The following WIZ variants were observed in gnomAD, a reference collection of about 807,000 sequenced individuals.
WIZ encodes the protein protein Wiz.
Under a neutral mutation model 140.2 loss-of-function variants are expected in WIZ, and 25 were observed. The observed-to-expected ratio is 0.18, with a 90% CI of 0.13 to 0.25. The LOEUF (loss-of-function observed/expected upper bound fraction) is 0.25, where lower values mean the gene tolerates loss of function less well. WIZ is among the 10% of genes least tolerant of loss of function. The pLI is 1.00. For missense variants in WIZ, 2,231 were observed against 2,632.6 expected, an observed-to-expected ratio of 0.85 and a Z score of 3.34; for synonymous variants, 1,125 against 1,154.3, an observed-to-expected ratio of 0.97 and a Z score of 0.51.
chr19:15,448,016 C>T lies in WIZ; in HGVS notation c.205+87G>A, dbSNP rs547527618. The T allele has an allele frequency of 8.3e-5, 121 of 1,460,016 alleles. 1 individual carries two copies. Among genetic ancestry groups the T allele is most frequent in the African/African-American group, 1.6e-4 (11 of 70,240 alleles). The allele number at this position is 1,460,016 out of a possible 1,614,324, so 90.4% of individuals were successfully genotyped here. A position where few individuals can be genotyped will look rare whatever the true frequency, so the allele number is the denominator to read the frequency against. Reference sequence around the variant, plus strand: ...AGCGGAATCAGCATCCCAGCTCAGCCGCTGCTGCGCTGGGTGACTTGACTC... The same window carrying T: ...AGCGGAATCAGCATCCCAGCTCAGCTGCTGCTGCGCTGGGTGACTTGACTC... On this transcript the variant is annotated intron_variant, in intron 2 of 12. Transcript: ENST00000673675.
chr19:15,429,067 G>A (rs1044117278), intron 7 of WIZ, among the ~76,000 whole-genome samples: 2 of 152,202 alleles, frequency 1.3e-5, no homozygotes, highest in African/African-American at 4.8e-5. Flanking sequence ...CCCAAACCCT[G>A]CCTGCCGTGC....
chr19:15,440,480 T>C lies in WIZ; in HGVS notation c.514A>G (p.Arg172Gly), dbSNP rs1599704871. ...RRFLHHRGEP[R>G]LLEKHAQGRP... ...CCCTGGGCATGTTTCTCCAAAAGCC[T>C]TGGTTCCCCCCGGTGGTGTAAGAAC... Residue 172 changes from arginine (R) to glycine (G), a missense_variant, in exon 4 of 13, where the codon AGG becomes GGG. Transcript: ENST00000673675. This position sits in a 1 kb window ranked among gnomAD's most constrained non-coding sequence, Gnocchi z 6.2. 1.1e-5 allele frequency: 17 copies of C among 1,535,980 alleles called. No individual in the cohort carries two copies. The highest frequency in any genetic ancestry group is 1.5e-5 in the Non-Finnish European group (17 of 1,146,902).
chr19:15,424,757 C>A lies in WIZ; in HGVS notation c.5170G>T (p.Gly1724Trp), dbSNP rs953554650. The change falls in exon 11 of 13, where the codon GGG (glycine) becomes TGG (tryptophan). Residue 1724 changes from glycine to tryptophan, a missense_variant. Gly to Trp is a radical substitution (Grantham distance 184). Coordinates refer to ENST00000673675, the MANE Select transcript of WIZ (RefSeq NM_001371589.1). The surrounding 1 kb of genome is among the most constrained non-coding windows in gnomAD (Gnocchi z 9.7). ...CTGCGGCCGACCACGGCCAGGCCCC[C>A]GGGTGCCAGCCCCAGGGACGGCCGC... ...DKRPSLGLAPGGLAVVGRSAG... is the reference protein window; with the variant it reads ...DKRPSLGLAPWGLAVVGRSAG... 2 of 1,572,528 alleles carry A rather than the reference C, an allele frequency of 1.3e-6. No individual in the cohort carries two copies. The highest frequency in any genetic ancestry group is 2.7e-5 in the African/African-American group (2 of 74,168).
Position 15,428,021 on chromosome 19 carries a change from T to C in WIZ, c.3814+89A>G, listed in dbSNP as rs1021349141. The C allele has an allele frequency of 2.7e-6, 4 of 1,487,598 alleles. No individual in the cohort carries two copies. In the African/African-American group the frequency reaches 4.2e-5, roughly 16 times the overall value. The allele number at this position is 1,487,598 out of a possible 1,614,324, so 92.1% of individuals were successfully genotyped here. On this transcript the variant is annotated intron_variant, in intron 8 of 12. Coordinates refer to ENST00000673675, the MANE Select transcript of WIZ (RefSeq NM_001371589.1). This position sits in a 1 kb window ranked among gnomAD's most constrained non-coding sequence, Gnocchi z 6.4. The stretch of plus-strand genomic sequence containing the variant: ...CTGCCAAGGGCCCCTGTCTACTCCC[T>C]GCCCCAGCAGGGAGGGGGCTGTGAC...
chr19:15,444,905 G>A (rs1969864451), intron 2 of WIZ, among the ~76,000 whole-genome samples: 1 of 152,234 alleles, frequency 6.6e-6, no homozygotes, highest in South Asian at 2.1e-4. Flanking sequence ...TGCGATTGCT[G>A]TTGTCTAAGA....
At position 15,436,877 on chromosome 19, in the gene WIZ, C is replaced by A. The variant is rs755340683; in HGVS notation, c.2669G>T (p.Arg890Leu). 1.2e-6 allele frequency: 2 copies of A among 1,612,650 alleles called. No homozygotes were observed. Among genetic ancestry groups the A allele is most frequent in the Non-Finnish European group, 1.7e-6 (2 of 1,179,502 alleles). Residue 890 changes from arginine (R) to leucine (L), a missense_variant, in exon 5 of 13, where the codon CGG (arginine) becomes CTG (leucine). By Grantham distance (102) the Arg-to-Leu change is moderately radical (BLOSUM62 -2). Coordinates refer to ENST00000673675, the MANE Select transcript of WIZ (RefSeq NM_001371589.1). The stretch of plus-strand genomic sequence containing the variant: ...GGGCACCGTGAGAGGTAAGCGGGGC[C>A]GACGGGAGGTCAGGAAGCTGCCAGG... The part of the protein sequence containing the change: ...GPPGSFLTSR[R>L]PRLPLTVPFP...
chr19:15,436,173 C>T (rs1344954750), intron 5 of WIZ, among the ~76,000 whole-genome samples: 1 of 152,218 alleles, frequency 6.6e-6, no homozygotes, highest in Non-Finnish European at 1.5e-5. Flanking sequence ...ATAGGATCCC[C>T]ACTAGCCTGG....
intron 2 of WIZ, among the ~76,000 whole-genome samples, chr19:15,447,148 C>T (rs1222687307): frequency 6.6e-6 from 1 of 152,182 alleles, no homozygotes; most frequent in Non-Finnish European, 1.5e-5. Context: ...ACGGAGGAAG[C>T]CCTTGATGAG....
chr19:15,431,919 G>C (rs1187776815), intron 5 of WIZ, among the ~76,000 whole-genome samples: 3 of 152,242 alleles, frequency 2.0e-5, no homozygotes, highest in African/African-American at 7.2e-5. Flanking sequence ...TGGGAGGCCA[G>C]TTGAACTCCA....
In WIZ at chr19:15,428,470, G is replaced by C. The variant is rs1450580177; in HGVS notation, c.3454C>G (p.Leu1152Val). Residue 1152 changes from leucine to valine, a missense_variant, in exon 8 of 13, where the codon CTG becomes GTG. Physicochemically the swap from Leu to Val is conservative, Grantham distance 32. Transcript: ENST00000673675. The surrounding 1 kb of genome is among the most constrained non-coding windows in gnomAD (Gnocchi z 6.4). ...CGGGTCTCAAACCAGGCACCGCACAGCTGGCAGTCCAGCTCTCTGCCCCCG... is the reference window on the plus strand; with the variant it reads ...CGGGTCTCAAACCAGGCACCGCACACCTGGCAGTCCAGCTCTCTGCCCCCG... Reference protein sequence around the residue: ...SDGGRELDCQLCGAWFETRKG... With the variant: ...SDGGRELDCQVCGAWFETRKG... The C allele has an allele frequency of 6.5e-7, 1 of 1,535,494 alleles. No homozygotes were observed. The highest frequency in any genetic ancestry group is 8.7e-7 in the Non-Finnish European group (1 of 1,146,826).
rs148386640 is a variant in WIZ, at chr19:15,439,193, C to T, written c.1801G>A (p.Val601Ile). 3.9e-3 allele frequency: 6,047 copies of T among 1,535,438 alleles called. 22 individuals are homozygous for T. Among genetic ancestry groups the T allele is most frequent in the Non-Finnish European group, 4.8e-3 (5,499 of 1,146,556 alleles). Residue 601 changes from valine (V) to isoleucine (I), a missense_variant, in exon 4 of 13, where the codon GTC becomes ATC. Coordinates refer to ENST00000673675, the MANE Select transcript of WIZ (RefSeq NM_001371589.1). The surrounding 1 kb of genome is among the most constrained non-coding windows in gnomAD (Gnocchi z 7.0). Reference protein sequence around the residue: ...SLQLGRNKSTVHPQGLGERRR... With the variant: ...SLQLGRNKSTIHPQGLGERRR... ...CGTTCCCCCAGCCCTTGTGGGTGGACGGTGCTTTTGTTTCTCCCGAGCTGT... is the reference window on the plus strand; with the variant it reads ...CGTTCCCCCAGCCCTTGTGGGTGGATGGTGCTTTTGTTTCTCCCGAGCTGT...
intron 5 of WIZ, among the ~76,000 whole-genome samples, chr19:15,435,067 A>C (rs1239061247): frequency 2.0e-5 from 3 of 152,086 alleles, no homozygotes; most frequent in Non-Finnish European, 4.4e-5. Flanking sequence ...TCACTACTAA[A>C]AATTAGCCAG....
rs762218067 is a variant in WIZ, at chr19:15,427,354, A to T, written c.3994T>A (p.Ser1332Thr). 6.2e-7 allele frequency: 1 copy of T among 1,613,556 alleles called. No homozygotes were observed. Among genetic ancestry groups the T allele is most frequent in the East Asian group, 2.2e-5 (1 of 44,856 alleles). The change falls in exon 9 of 13, where the codon TCT becomes ACT. Residue 1332 changes from serine (S) to threonine (T), a missense_variant. Ser to Thr is a moderately conservative substitution (Grantham distance 58, BLOSUM62 1). Transcript: ENST00000673675. This position sits in a 1 kb window ranked among gnomAD's most constrained non-coding sequence, Gnocchi z 6.4. The stretch of plus-strand genomic sequence containing the variant: ...GGGTTGGGAGGTCCACCAGGCCGAG[A>T]CTGGGTCCGTCTCTTCAGGATCTCC... ...LREILKRRTQ[S>T]RPGGPPNPPG...
chr19:15,430,962 G>C, intron 6 of WIZ, 50 bp downstream of exon 6: 1 of 1,479,986 alleles, frequency 6.8e-7, no homozygotes, highest in South Asian at 1.3e-5. Flanking sequence ...GCTCCTGTGA[G>C]TGTAACCAGC....
intron 3 of WIZ, among the ~76,000 whole-genome samples, chr19:15,441,408 C>T (rs1969741650): frequency 6.6e-6 from 1 of 152,216 alleles, no homozygotes; most frequent in South Asian, 2.1e-4. Flanking sequence ...CCTTATACAA[C>T]ATCTGTGGAG....
At chr19:15,441,986 C>T (rs771357831) in intron 3 of WIZ, among the ~76,000 whole-genome samples, 4 of 151,904 alleles carry the variant, frequency 2.6e-5, no homozygotes, top group Admixed American at 6.6e-5. Flanking sequence ...CAGGAGTTCT[C>T]GACCAGCCTG....
chr19:15,423,780 A>C (rs368912008), intron 12 of WIZ, among the ~76,000 whole-genome samples: 19 of 152,332 alleles, frequency 1.2e-4, no homozygotes, highest in African/African-American at 4.6e-4. Context: ...GAATTAACTA[A>C]GATCTACTTT....
Position 15,430,019 on chromosome 19 carries a change from C to T in WIZ, c.2982G>A (p.Ala994=), listed in dbSNP as rs141499743. ...CTCCCAGCTGCCGCAGGTGGGAGCG[C>T]GCGTGGCTGGACAGGCCCTTTCGGG... ...FETRKGLSSH[A]RSHLRQLGVA... The change falls in exon 7 of 13, where the codon GCG becomes GCA. Residue 994 remains alanine, a synonymous_variant. Coordinates refer to ENST00000673675, the MANE Select transcript of WIZ (RefSeq NM_001371589.1). 3.6e-3 allele frequency: 5,563 copies of T among 1,535,932 alleles called. 9 individuals carry two copies. Among genetic ancestry groups the T allele is most frequent in the Non-Finnish European group, 4.2e-3 (4,852 of 1,146,820 alleles).
chr19:15,425,202 G>T, intron 10 of WIZ, 39 bp downstream of exon 10: 2 of 1,552,136 alleles, frequency 1.3e-6, no homozygotes, highest in South Asian at 1.2e-5. Flanking sequence ...GGCAGGCCCT[G>T]GCGGTCGCCC....
Sources: allele counts gnomAD v4.1 joint callset (sites outside exome capture counted in the v4.1 genomes callset), GRCh38; gene constraint gnomAD v4.1.1; non-coding constraint Gnocchi (gnomAD v3.1); transcripts MANE v1.5; gene names NCBI Gene and HGNC (gene_info 2026-07-23, HGNC 2026-07-21).